ERC1: variants seen among roughly 807,000 people sequenced by gnomAD.
ERC1 encodes ELKS/RAB6-interacting/CAST family member 1.
ERC1 carries 56 observed loss-of-function variants against 132.0 expected under a neutral mutation model. The observed-to-expected ratio is 0.42, with a 90% CI of 0.34 to 0.53. The LOEUF (loss-of-function observed/expected upper bound fraction) is 0.53. Ranked by LOEUF, ERC1 falls within the 20% of genes least tolerant of loss-of-function variation. ERC1 has a pLI of 0.03. For missense variants in ERC1, 1,202 were observed against 1,349.9 expected (o/e 0.89, Z 1.72); for synonymous variants, 478 against 476.1 (o/e 1.00, Z -0.05).
intron 2 of ERC1, among the ~76,000 whole-genome samples, chr12:1,067,948 T>C (rs1270494085): frequency 7.0e-6 from 1 of 143,682 alleles, no homozygotes; most frequent in African/African-American, 2.5e-5. Context: ...TTTTTTTTCC[T>C]TCTGAGACAG....
At chr12:1,046,053 GCA>G (rs1176647248) in intron 2 of ERC1, among the ~76,000 whole-genome samples, 1 of 152,054 alleles carries the variant, frequency 6.6e-6, no homozygotes, top group African/African-American at 2.4e-5. Context: ...CTTGCATTTT[GCA>G]CACTAGCAAA....
intron 18 of ERC1, among the ~76,000 whole-genome samples, chr12:1,481,195 A>G (rs1362283257): frequency 2.0e-5 from 3 of 152,204 alleles, no homozygotes; most frequent in African/African-American, 7.2e-5. Context: ...GGTAATTGAA[A>G]CCGTGGAAAG....
intron 15 of ERC1, among the ~76,000 whole-genome samples, chr12:1,371,485 A>G (rs1362800213): frequency 2.0e-5 from 3 of 152,144 alleles, no homozygotes; most frequent in Non-Finnish European, 4.4e-5. Flanking sequence ...AAATGGGGGT[A>G]CTGATAATAG....
At chr12:1,065,301 CTGTCTGAGAT>C (rs1190200537) in intron 2 of ERC1, among the ~76,000 whole-genome samples, 1 of 152,056 alleles carries the variant, frequency 6.6e-6, no homozygotes, top group African/African-American at 2.4e-5. Context: ...GCGCCCAGCC[CTGTCTGAGAT>C]TTTGCAAAAG....
chr12:1,293,438 GCAAA>G, intron 15 of ERC1, among the ~76,000 whole-genome samples: 1 of 80,996 alleles, frequency 1.2e-5, no homozygotes, highest in South Asian at 3.5e-4. Flanking sequence ...GGGCGACAGA[GCAAA>G]ACTCCATCTC....
chr12:1,163,708 T>A (rs1952086733), intron 8 of ERC1, among the ~76,000 whole-genome samples: 1 of 152,052 alleles, frequency 6.6e-6, no homozygotes, highest in Non-Finnish European at 1.5e-5. Flanking sequence ...TGGTTTTTAT[T>A]TTTATTTTCT....
intron 17 of ERC1, among the ~76,000 whole-genome samples, chr12:1,418,666 T>TTTTC (rs202159587): frequency 0.091 from 7,856 of 86,560 alleles, 521 homozygotes; most frequent in Non-Finnish European, 0.11. Context: ...TCTCTCTTTC[T>TTTTC]TTTCTTTCTT....
intron 2 of ERC1, among the ~76,000 whole-genome samples, chr12:1,048,666 T>C (rs1971448029): frequency 6.6e-6 from 1 of 152,210 alleles, no homozygotes; most frequent in Non-Finnish European, 1.5e-5. Context: ...TAGAATATGC[T>C]TTTCCCTTAA....
At chr12:1,218,236 C>T (rs1422417259) in intron 12 of ERC1, among the ~76,000 whole-genome samples, 1 of 152,124 alleles carries the variant, frequency 6.6e-6, no homozygotes, top group East Asian at 1.9e-4. Flanking sequence ...TGAATAGTGC[C>T]ACTATTCCTG....
chr12:1,288,580 T>G (rs955922320), intron 14 of ERC1, among the ~76,000 whole-genome samples: 2 of 152,244 alleles, frequency 1.3e-5, no homozygotes, highest in African/African-American at 4.8e-5. Context: ...GTGGAAACTT[T>G]GTTTAGGTAG....
chr12:1,003,109 AAAAAAGACTC>A (rs1962766993), intron 1 of ERC1, among the ~76,000 whole-genome samples: 2 of 135,418 alleles, frequency 1.5e-5, no homozygotes, highest in Non-Finnish European at 3.4e-5. Context: ...AAAAAAAAAA[AAAAAAGACTC>A]AAAAAAAAAA....
chr12:1,392,001 C>T (rs1201662037), intron 16 of ERC1, among the ~76,000 whole-genome samples: 3 of 152,114 alleles, frequency 2.0e-5, no homozygotes, highest in South Asian at 4.2e-4. Flanking sequence ...TACTTTTATA[C>T]TTAGTGTGCT....
intron 16 of ERC1, among the ~76,000 whole-genome samples, chr12:1,400,914 G>GTTTTTTTTTT (rs1566774897): frequency 9.0e-5 from 1 of 11,130 alleles, no homozygotes; most frequent in Non-Finnish European, 1.5e-4. Flanking sequence ...GGCTATTTTT[G>GTTTTTTTTTT]TATTTTTTTT....
rs1192293281 is a variant in ERC1 at position 1,490,843 on chromosome 12, C to T, written c.*613C>T. On this transcript the variant is annotated 3_prime_UTR_variant, in exon 19 of 19. Coordinates refer to ENST00000360905, the MANE Select transcript of ERC1 (RefSeq NM_178040.4). ...AGCAGGCCTCACGATGGCTTGGGAG[C>T]ACTCGTTCTCCCAAGGTCTGAGTCT... 4.3e-6 allele frequency: 1 copy of T among 233,034 alleles called. No homozygotes were observed. The highest frequency in any genetic ancestry group is 2.2e-5 in the African/African-American group (1 of 45,308). The allele number at this position is 233,034 out of a possible 1,614,324, so 14.4% of individuals were successfully genotyped here. A position where few individuals can be genotyped will look rare whatever the true frequency, so the allele number is the denominator to read the frequency against.
chr12:1,107,716 C>T (rs1159643442), intron 4 of ERC1, among the ~76,000 whole-genome samples: 1 of 152,048 alleles, frequency 6.6e-6, no homozygotes, highest in Non-Finnish European at 1.5e-5. Flanking sequence ...TGGAGAAGTC[C>T]CTGGATGGCA....
chr12:1,430,525 G>GCT (rs1565422839), intron 17 of ERC1: 1 of 152,180 alleles, frequency 6.6e-6, no homozygotes, highest in Non-Finnish European at 1.5e-5. Flanking sequence ...TTACAGGCAT[G>GCT]CACCACCACA....
intron 15 of ERC1, among the ~76,000 whole-genome samples, chr12:1,356,212 A>AGTGTGTG (rs1489476709): frequency 0.01 from 1,195 of 119,056 alleles, 15 homozygotes; most frequent in African/African-American, 0.032. Flanking sequence ...AAAAAAAAAA[A>AGTGTGTG]AGTGTGTGTG....
chr12:1,093,152 C>T (rs1466398858), intron 3 of ERC1, among the ~76,000 whole-genome samples: 3 of 144,254 alleles, frequency 2.1e-5, no homozygotes, highest in South Asian at 2.2e-4. Context: ...ATTAGTTTTA[C>T]GTTTTCTTTA....
chr12:1,410,600 G>C, intron 17 of ERC1: 1 of 267,596 alleles, frequency 3.7e-6, no homozygotes, highest in Non-Finnish European at 7.4e-6. Context: ...TGATTCTTGT[G>C]TGTGTTGCTG....
Sources: allele counts gnomAD v4.1 joint callset (sites outside exome capture counted in the v4.1 genomes callset), GRCh38; gene constraint gnomAD v4.1.1; transcripts MANE v1.5; gene names NCBI Gene and HGNC (gene_info 2026-07-23, HGNC 2026-07-21).